The following CTNNA2 variants were observed in gnomAD, a reference collection of about 807,000 sequenced individuals.
CTNNA2 encodes the protein catenin alpha-2.
CTNNA2 carries 42 observed loss-of-function variants against 101.0 expected under a neutral mutation model. The observed-to-expected ratio is 0.42, with a 90% confidence interval of 0.32 to 0.54. The LOEUF (loss-of-function observed/expected upper bound fraction) is 0.54, where lower values mean the gene tolerates loss of function less well. CTNNA2 is among the 20% of genes least tolerant of loss of function. CTNNA2 has a pLI of 0.14. For synonymous variants in CTNNA2, 450 were observed against 456.4 expected (o/e 0.99, Z 0.18); for missense variants, 871 against 1,223.1 (o/e 0.71, Z 4.29).
At chr2:80,633,496 C>T (rs1000040548) in intron 18 of CTNNA2, among the ~76,000 whole-genome samples, 3 of 152,112 alleles carry the variant, frequency 2.0e-5, no homozygotes, top group Non-Finnish European at 4.4e-5. Flanking sequence ...ACATGACTCA[C>T]GCTTGTGAAC....
At chr2:80,110,417 A>G (rs559468752) in intron 7 of CTNNA2, among the ~76,000 whole-genome samples, 17 of 152,310 alleles carry the variant, frequency 1.1e-4, no homozygotes, top group African/African-American at 2.6e-4. Context: ...TTGAACTCCA[A>G]TCTTCCTCAT....
chr2:79,528,679 C>T (rs1672563567), intron 1 of CTNNA2, among the ~76,000 whole-genome samples: 1 of 151,986 alleles, frequency 6.6e-6, no homozygotes, highest in Non-Finnish European at 1.5e-5. Flanking sequence ...TATTTTTTCA[C>T]TAGAGTTGAA....
chr2:80,507,464 A>C (rs1296761436), intron 9 of CTNNA2, among the ~76,000 whole-genome samples: 1 of 152,216 alleles, frequency 6.6e-6, no homozygotes, highest in Non-Finnish European at 1.5e-5. Flanking sequence ...TCGATGTTTC[A>C]AGAGAAAAAT....
intron 2 of CTNNA2, among the ~76,000 whole-genome samples, chr2:79,303,111 A>G (rs1272324632): frequency 1.3e-5 from 2 of 152,160 alleles, no homozygotes; most frequent in African/African-American, 4.8e-5. Flanking sequence ...TTTTCAGTTT[A>G]CAGTCCAAGA....
At chr2:79,427,404 TA>T (rs910277569) in intron 4 of CTNNA2, among the ~76,000 whole-genome samples, 2 of 151,980 alleles carry the variant, frequency 1.3e-5, no homozygotes, top group Non-Finnish European at 2.9e-5. Flanking sequence ...AATATGTTAC[TA>T]AAAAAACTCA....
At chr2:79,669,921 C>T (rs948249037) in intron 2 of CTNNA2, among the ~76,000 whole-genome samples, 25 of 152,194 alleles carry the variant, frequency 1.6e-4, no homozygotes, top group African/African-American at 6.0e-4. Context: ...GGACTGGCAG[C>T]CCAGCCCCCA....
intron 7 of CTNNA2, among the ~76,000 whole-genome samples, chr2:80,272,719 T>G (rs1673594695): frequency 6.6e-6 from 1 of 152,234 alleles, no homozygotes. Flanking sequence ...TTATTATATT[T>G]TAGTATAAGT....
At chr2:79,638,378 A>G (rs1393159136) in intron 1 of CTNNA2, among the ~76,000 whole-genome samples, 5 of 152,210 alleles carry the variant, frequency 3.3e-5, no homozygotes, top group African/African-American at 9.6e-5. Context: ...TCTTTTTTAC[A>G]TATGATTTTC....
rs780903908 is a variant in CTNNA2 at position 79,214,989 on chromosome 2, C to T, written c.-406+16913C>T. ...GCCTCCGTATTGATTAAGAAGGGGACGGACTTACCTTCCACTGTGAGAGTC... is the reference window on the plus strand; with the variant it reads ...GCCTCCGTATTGATTAAGAAGGGGATGGACTTACCTTCCACTGTGAGAGTC... On this transcript the variant is annotated intron_variant, in intron 2 of 21. Coordinates refer to the CTNNA2 transcript ENST00000466387. 1.1e-3 allele frequency among the ~76,000 whole-genome samples: 172 copies of T among 152,076 alleles called. 1 individual carries two copies. Among genetic ancestry groups the T allele is most frequent in the Non-Finnish European group, 1.9e-3 (130 of 67,996 alleles).
At chr2:80,274,813 C>A (rs897336758) in intron 7 of CTNNA2, among the ~76,000 whole-genome samples, 1 of 152,182 alleles carries the variant, frequency 6.6e-6, no homozygotes, top group African/African-American at 2.4e-5. Flanking sequence ...CATGTCAGCT[C>A]TTTGGAGAAT....
chr2:80,189,833 T>G (rs1020245072), intron 7 of CTNNA2, among the ~76,000 whole-genome samples: 1 of 151,842 alleles, frequency 6.6e-6, no homozygotes, highest in African/African-American at 2.4e-5. Flanking sequence ...GGTAGAAGTG[T>G]AATAATGTCA....
At chr2:79,608,016 C>T (rs936426259) in intron 1 of CTNNA2, among the ~76,000 whole-genome samples, 5 of 151,556 alleles carry the variant, frequency 3.3e-5, no homozygotes, top group Non-Finnish European at 7.4e-5. Context: ...TAGTAAGTCT[C>T]TAGCCAGACT....
intron 2 of CTNNA2, among the ~76,000 whole-genome samples, chr2:79,251,281 A>G (rs78691830): frequency 6.6e-6 from 1 of 152,132 alleles, no homozygotes; most frequent in Admixed American, 6.5e-5. Flanking sequence ...TGATTCAAAA[A>G]ACCCTGCTGT....
intron 9 of CTNNA2, among the ~76,000 whole-genome samples, chr2:80,473,059 A>G (rs1489642425): frequency 6.6e-6 from 1 of 152,218 alleles, no homozygotes; most frequent in Non-Finnish European, 1.5e-5. Context: ...AGTTTAAGAA[A>G]AGAGAATTTA....
At chr2:79,441,120 T>A (rs1323319360) in intron 4 of CTNNA2, among the ~76,000 whole-genome samples, 1 of 152,158 alleles carries the variant, frequency 6.6e-6, no homozygotes, top group Non-Finnish European at 1.5e-5. Context: ...GCAGTTCACT[T>A]CCTTAGCAAC....
chr2:80,207,483 T>G (rs2149029150), intron 7 of CTNNA2, among the ~76,000 whole-genome samples: 1 of 152,272 alleles, frequency 6.6e-6, no homozygotes, highest in East Asian at 1.9e-4. Flanking sequence ...TCCTTAAAAA[T>G]AATCCAGTGA....
rs146484542 is a variant in CTNNA2, at chr2:79,330,172, T to C, written c.-318+17376T>C. 9.0e-3 allele frequency among the ~76,000 whole-genome samples: 1,365 copies of C among 152,182 alleles called. 19 individuals are homozygous for C. The highest frequency in any genetic ancestry group is 0.031 in the African/African-American group (1,295 of 41,510). ...GATCAGTCCTACCAGCTGTCCACAC[T>C]GAGACAGGAGAACTTGTAAAACAAG... On this transcript the variant is annotated intron_variant, in intron 3 of 21. Transcript: ENST00000466387.
At position 79,958,745 on chromosome 2, in the gene CTNNA2, A is replaced by G. The variant is rs186901076; in HGVS notation, c.1056+48948A>G. On this transcript the variant is annotated intron_variant, in intron 7 of 18. Coordinates refer to ENST00000402739, the MANE Select transcript of CTNNA2 (RefSeq NM_001282597.3). ...GTAATTTTTTTTAGCACAAGAATAA[A>G]CAATACACTTTGTATGAAACATTGA... Among the ~76,000 whole-genome samples the G allele has an allele frequency of 9.0e-4, 137 of 152,176 alleles. 1 individual carries two copies. Among genetic ancestry groups the G allele is most frequent in the Non-Finnish European group, 1.6e-3 (109 of 68,002 alleles).
intron 1 of CTNNA2, among the ~76,000 whole-genome samples, chr2:79,538,309 C>A (rs1055708727): frequency 6.6e-6 from 1 of 151,858 alleles, no homozygotes; most frequent in Non-Finnish European, 1.5e-5. Context: ...CTTTGAAAAA[C>A]CTTATACCGC....
Sources: gnomAD v4.1 joint callset for allele counts (sites outside exome capture counted in the v4.1 genomes callset) on GRCh38, gnomAD v4.1.1 for gene constraint, MANE v1.5 for transcripts, NCBI Gene and HGNC (gene_info 2026-07-23, HGNC 2026-07-21) for gene names.